Variants in SYNE1 observed in about 807,000 individuals in gnomAD.
The protein encoded by SYNE1 is nesprin-1.
Under a neutral mutation model 1,111.0 loss-of-function variants are expected in SYNE1, and 616 were observed. The observed-to-expected ratio is 0.55, with a 90% CI of 0.52 to 0.59. The LOEUF is 0.59. Ranked by LOEUF, SYNE1 falls within the 20% of genes least tolerant of loss-of-function variation. The pLI is 0.00. For synonymous variants in SYNE1, 3,855 were observed against 3,825.8 expected (o/e 1.01, Z -0.28); for missense variants, 10,006 against 10,417.0 (o/e 0.96, Z 1.72).
chr6:152,428,085 A>T, intron 37 of SYNE1, 120 bp downstream of exon 37: 1 of 1,378,678 alleles, frequency 7.3e-7, no homozygotes, highest in South Asian at 1.2e-5. Context: ...AGTTTCCTAC[A>T]GTAGACCCAC....
chr6:152,439,887 C>T (rs1209236898), intron 32 of SYNE1, among the ~76,000 whole-genome samples: 2 of 152,122 alleles, frequency 1.3e-5, no homozygotes, highest in African/African-American at 2.4e-5. Flanking sequence ...GGTGTTTGAG[C>T]TTGTAGGGTT....
chr6:152,524,986 C>G (rs2099156987), intron 5 of SYNE1, among the ~76,000 whole-genome samples: 1 of 152,056 alleles, frequency 6.6e-6, no homozygotes, highest in Admixed American at 6.6e-5. Flanking sequence ...TAAGAAAAGC[C>G]CTGAGGCAGA....
In SYNE1 at chr6:152,231,584, G is replaced by T. The variant is rs1221580181; in HGVS notation, c.20863-17C>A. ...CTTAAAACCCTAAAAAAAAAGAGGAGAAAATAAGATTATACAATAAATGTC... is the reference window on the plus strand; with the variant it reads ...CTTAAAACCCTAAAAAAAAAGAGGATAAAATAAGATTATACAATAAATGTC... On this transcript the variant is annotated splice_polypyrimidine_tract_variant and intron_variant, in intron 113 of 145. Coordinates refer to ENST00000367255, the MANE Select transcript of SYNE1 (RefSeq NM_182961.4). 1.2e-6 allele frequency: 2 copies of T among 1,612,208 alleles called. No homozygotes were observed. Among genetic ancestry groups the T allele is most frequent in the Non-Finnish European group, 1.7e-6 (2 of 1,178,844 alleles).
intron 107 of SYNE1, 39 bp from the exon 108 acceptor site, chr6:152,239,745 C>A (rs1265667361): frequency 6.2e-7 from 1 of 1,612,104 alleles, no homozygotes. Context: ...GCAACTCATT[C>A]ATATATTATG....
intron 45 of SYNE1, among the ~76,000 whole-genome samples, chr6:152,405,937 T>G (rs2154161231): frequency 6.6e-6 from 1 of 152,258 alleles, no homozygotes; most frequent in South Asian, 2.1e-4. Context: ...TCTATTTCTC[T>G]TTACCCTACT....
At chr6:152,471,486 G>T (rs1259428238) in intron 16 of SYNE1, 111 bp downstream of exon 16, 3 of 1,045,658 alleles carry the variant, frequency 2.9e-6, no homozygotes, top group South Asian at 2.7e-5. Context: ...TTTAACACAC[G>T]CTATCTTTAT....
chr6:152,164,080 C>G (rs1251560625), intron 131 of SYNE1, 83 bp downstream of exon 131: 1 of 1,576,170 alleles, frequency 6.3e-7, no homozygotes, highest in Non-Finnish European at 8.7e-7. Flanking sequence ...TCTCCAGGCA[C>G]CATCTCATGC....
chr6:152,371,170 C>T (rs540798038), intron 59 of SYNE1, among the ~76,000 whole-genome samples: 7 of 152,186 alleles, frequency 4.6e-5, no homozygotes, highest in Admixed American at 3.3e-4. Context: ...TGTGTCCCCC[C>T]CCAAATCTCA....
At chr6:152,417,149 G>C (rs2098167114) in intron 40 of SYNE1, 134 bp from the exon 41 acceptor site, 1 of 1,288,170 alleles carries the variant, frequency 7.8e-7, no homozygotes. Flanking sequence ...CATCTACAGT[G>C]AATCTTAGAA....
At chr6:152,411,184 C>T (rs909200283) in intron 42 of SYNE1, among the ~76,000 whole-genome samples, 1 of 152,130 alleles carries the variant, frequency 6.6e-6, no homozygotes, top group African/African-American at 2.4e-5. Context: ...TCTTTCTCCA[C>T]CGAACTTTCT....
At chr6:152,424,024 C>T (rs1356962935) in intron 39 of SYNE1, among the ~76,000 whole-genome samples, 1 of 152,192 alleles carries the variant, frequency 6.6e-6, no homozygotes, top group Non-Finnish European at 1.5e-5. Context: ...TGTTTGTTCA[C>T]TTGCTTAGTT....
At chr6:152,475,257 T>C (rs117692943) in intron 14 of SYNE1, among the ~76,000 whole-genome samples, 3,324 of 152,324 alleles carry the variant, frequency 0.022, 58 homozygotes, top group Non-Finnish European at 0.035. Flanking sequence ...TGACTCATGA[T>C]GGGGTTATGT....
chr6:152,351,967 C>G (rs1259616044), intron 70 of SYNE1, 60 bp downstream of exon 70: 1 of 1,525,250 alleles, frequency 6.6e-7, no homozygotes. Flanking sequence ...AGAATCACCT[C>G]CCTCCCATTT....
intron 4 of SYNE1, among the ~76,000 whole-genome samples, chr6:152,530,623 ATTTTTT>A (rs35951822): frequency 7.0e-6 from 1 of 141,990 alleles, no homozygotes; most frequent in Admixed American, 7.0e-5. Flanking sequence ...GTGTGATGAA[ATTTTTT>A]TTTTTTTTTT....
intron 93 of SYNE1, among the ~76,000 whole-genome samples, chr6:152,294,826 A>G (rs1422627293): frequency 6.6e-5 from 10 of 152,200 alleles, no homozygotes; most frequent in Admixed American, 5.2e-4. Flanking sequence ...TACTATATCA[A>G]GAGATATAGT....
chr6:152,303,402 C>CAAA (rs373230705), intron 91 of SYNE1, among the ~76,000 whole-genome samples: 25,627 of 119,960 alleles, frequency 0.21, 2,509 homozygotes, highest in Middle Eastern at 0.33. Flanking sequence ...GACTCTGTCT[C>CAAA]AAAAAAAAAA....
chr6:152,317,045 A>G, intron 86 of SYNE1, 59 bp from the exon 87 acceptor site: 1 of 1,599,404 alleles, frequency 6.3e-7, no homozygotes, highest in Admixed American at 1.7e-5. Context: ...TTGAGCTATA[A>G]ATCAGTCTTC....
At chr6:152,346,459 G>A (rs2096633465) in intron 73 of SYNE1, among the ~76,000 whole-genome samples, 1 of 152,076 alleles carries the variant, frequency 6.6e-6, no homozygotes, top group Admixed American at 6.6e-5. Flanking sequence ...GAGCCACCAT[G>A]CCCGGCCCAA....
intron 4 of SYNE1, among the ~76,000 whole-genome samples, chr6:152,527,573 A>G (rs1181390346): frequency 6.6e-6 from 1 of 152,222 alleles, no homozygotes; most frequent in African/African-American, 2.4e-5. Context: ...GTTATTAGCC[A>G]TATACGGTCA....
Sources: gnomAD v4.1 joint callset for allele counts (sites outside exome capture counted in the v4.1 genomes callset) on GRCh38, gnomAD v4.1.1 for gene constraint, MANE v1.5 for transcripts, NCBI Gene and HGNC (gene_info 2026-07-23, HGNC 2026-07-21) for gene names.